ANKRD46: variants seen among roughly 807,000 people sequenced by gnomAD.
ANKRD46 encodes ankyrin repeat domain 46.
Under a neutral mutation model 19.8 loss-of-function variants are expected in ANKRD46, and 13 were observed. The ratio of observed to expected loss-of-function variants is 0.66; its 90% CI spans 0.43 to 1.04. ANKRD46 has a LOEUF of 1.04. Ranked by LOEUF, ANKRD46 falls within the 50% of genes least tolerant of loss-of-function variation. The pLI is 0.00. For synonymous variants in ANKRD46, 91 were observed against 106.9 expected, an observed-to-expected ratio of 0.85 and a Z score of 0.92; for missense variants, 185 against 274.8, an observed-to-expected ratio of 0.67 and a Z score of 2.31.
intron 1 of ANKRD46, among the ~76,000 whole-genome samples, chr8:100,539,719 T>A (rs530014043): frequency 4.6e-5 from 7 of 152,334 alleles, no homozygotes; most frequent in Non-Finnish European, 1.0e-4. Flanking sequence ...AAAATGAGGT[T>A]AATTTGAAGT....
rs147211532 is a variant in ANKRD46, at chr8:100,548,054, T to G, written c.-131+11657A>C. Among the ~76,000 whole-genome samples the G allele has an allele frequency of 2.0e-3, 310 of 152,172 alleles. 1 individual carries two copies. Among genetic ancestry groups the G allele is most frequent in the African/African-American group, 6.8e-3 (281 of 41,506 alleles). ...CTCCCATGGCCCAAGCATGGCCTTC[T>G]ACCTTAGCTAATCTCCATTTCCACT... On this transcript the variant is annotated intron_variant, in intron 1 of 4. Coordinates refer to ENST00000335659, the MANE Select transcript of ANKRD46 (RefSeq NM_001270377.2).
At chr8:100,517,606 A>G (rs540811021), downstream of ANKRD46, among the ~76,000 whole-genome samples, 2 of 152,304 alleles carry the variant, frequency 1.3e-5, no homozygotes, top group East Asian at 3.9e-4. Context: ...TTGTGCTGTG[A>G]AAAGTCAAGA....
downstream of ANKRD46, among the ~76,000 whole-genome samples, chr8:100,520,120 GT>G (rs1293951223): frequency 6.6e-6 from 1 of 152,162 alleles, no homozygotes; most frequent in East Asian, 1.9e-4. Flanking sequence ...GAAAGGAGGG[GT>G]TGGGAAGGAG....
downstream of ANKRD46, among the ~76,000 whole-genome samples, chr8:100,517,043 G>A (rs1169967328): frequency 5.9e-5 from 9 of 152,184 alleles, no homozygotes; most frequent in Admixed American, 5.9e-4. Flanking sequence ...TGCCTCAAAT[G>A]CCTTAGTTTC....
chr8:100,538,305 G>A (rs1812105015), intron 1 of ANKRD46, among the ~76,000 whole-genome samples: 1 of 152,008 alleles, frequency 6.6e-6, no homozygotes, highest in Non-Finnish European at 1.5e-5. Context: ...AACCAACCAT[G>A]AATCAAAAAT....
Position 100,529,618 on chromosome 8 carries a change from C to T in ANKRD46, c.216G>A (p.Leu72=). 6.2e-7 allele frequency: 1 copy of T among 1,614,200 alleles called. No homozygotes were observed. Among genetic ancestry groups the T allele is most frequent in the Non-Finnish European group, 8.5e-7 (1 of 1,180,042 alleles). ...QLLHKFGADL[L]ATDYQGNTAL... is the part of the protein sequence containing the mutation. ...CTGTGTTTCCTTGATAATCTGTGGC[C>T]AGAAGATCGGCACCGAATTTATGCA... is the stretch of plus-strand genomic sequence containing the variant. Residue 72 remains leucine (L), a synonymous_variant, in exon 3 of 5, where the codon CTG becomes CTA. Coordinates refer to ENST00000335659, the MANE Select transcript of ANKRD46 (RefSeq NM_001270377.2). The surrounding 1 kb of genome is among the most constrained non-coding windows in gnomAD (Gnocchi z 5.8).
intron 4 of ANKRD46, among the ~76,000 whole-genome samples, chr8:100,523,045 T>C (rs937716415): frequency 6.6e-5 from 10 of 152,124 alleles, no homozygotes; most frequent in African/African-American, 1.9e-4. Context: ...TAAAAGGTCC[T>C]GGCTGGGCGT....
intron 5 of ANKRD46, among the ~76,000 whole-genome samples, chr8:100,513,440 A>C (rs1811580722): frequency 6.6e-6 from 1 of 152,210 alleles, no homozygotes; most frequent in Admixed American, 6.5e-5. Flanking sequence ...ATTTGTATTA[A>C]TCGTGATAGG....
At chr8:100,531,643 AT>A (rs562066821) in intron 2 of ANKRD46, among the ~76,000 whole-genome samples, 6 of 151,772 alleles carry the variant, frequency 4.0e-5, no homozygotes, top group African/African-American at 1.5e-4. Flanking sequence ...CCACTGAAGG[AT>A]TTTTTTTGTT....
chr8:100,513,589 C>A (rs1222478907), intron 5 of ANKRD46, among the ~76,000 whole-genome samples: 1 of 152,192 alleles, frequency 6.6e-6, no homozygotes, highest in Non-Finnish European at 1.5e-5. Context: ...CCTCCACTGT[C>A]TGATCCAAAA....
rs36068309 is a variant in ANKRD46, at chr8:100,524,503, CT to C, written c.471-1733del. ...TGGGCCAGTCTGCTTAACACCCAAACTTTTTTTTTTTTAATAATTAAAACAT... is the reference window on the plus strand; with the variant it reads ...TGGGCCAGTCTGCTTAACACCCAAACTTTTTTTTTTTAATAATTAAAACAT... On this transcript the variant is annotated intron_variant, in intron 4 of 4. Transcript: ENST00000335659. The surrounding 1 kb of genome is among the most constrained non-coding windows in gnomAD (Gnocchi z 4.3). Among the ~76,000 whole-genome samples, 10 of 148,514 alleles carry C rather than the reference CT, an allele frequency of 6.7e-5. No individual in the cohort carries two copies. Among genetic ancestry groups the C allele is most frequent in the Non-Finnish European group, 8.9e-5 (6 of 67,040 alleles).
chr8:100,521,882 A>G lies in ANKRD46; in HGVS notation c.*673T>C, dbSNP rs1811730709. 1 of 984,922 alleles carries G rather than the reference A, an allele frequency of 1.0e-6. No individual in the cohort carries two copies. The allele number at this position is 984,922 out of a possible 1,614,324, so 61.0% of individuals were successfully genotyped here. ...ATGAACTCATTTATTTTTCACAGAT[A>G]TTAACAAGCAAAGCAGTTTACAAAA... On this transcript the variant is annotated 3_prime_UTR_variant, in exon 5 of 5. Coordinates refer to ENST00000335659, the MANE Select transcript of ANKRD46 (RefSeq NM_001270377.2).
Position 100,550,705 on chromosome 8 carries a change from G to A in ANKRD46, c.-131+9006C>T. 1 of 334,688 alleles carries A rather than the reference G, an allele frequency of 3.0e-6. No homozygotes were observed. Among genetic ancestry groups the A allele is most frequent in the South Asian group, 2.6e-5 (1 of 38,774 alleles). The allele number at this position is 334,688 out of a possible 1,614,324, so 20.7% of individuals were successfully genotyped here. On this transcript the variant is annotated intron_variant, in intron 1 of 4. Transcript: ENST00000335659. The surrounding 1 kb of genome is among the most constrained non-coding windows in gnomAD (Gnocchi z 4.4). ...TTTCTTCCTCTTGTGCTCTCACTGG[G>A]GCTGGTTGTCGAGCAGTCTTACTCC...
rs957639713 is a variant in ANKRD46, at chr8:100,537,905, A to G, written c.-130-4594T>C. On this transcript the variant is annotated intron_variant, in intron 1 of 4. Coordinates refer to ENST00000335659, the MANE Select transcript of ANKRD46 (RefSeq NM_001270377.2). The surrounding 1 kb of genome is among the most constrained non-coding windows in gnomAD (Gnocchi z 4.2). ...CAGGGTGGGGCTTCATATTTAGCTT[A>G]TATATTTCCAATATGCCCTGCAGCT... is the stretch of plus-strand genomic sequence containing the variant. Among the ~76,000 whole-genome samples, 5 of 152,136 alleles carry G rather than the reference A, an allele frequency of 3.3e-5. No homozygotes were observed. Among genetic ancestry groups the G allele is most frequent in the African/African-American group, 1.2e-4 (5 of 41,446 alleles).
At position 100,522,421 on chromosome 8, in the gene ANKRD46, T is replaced by A. The variant is rs72679750; in HGVS notation, c.*134A>T. 351,634 of 1,448,380 alleles carry A rather than the reference T, an allele frequency of 0.24. 43,856 individuals are homozygous for A. Among genetic ancestry groups the A allele is most frequent in the Middle Eastern group, 0.28 (1,167 of 4,172 alleles). 89.7% of individuals were successfully genotyped at this position (1,448,380 alleles called of 1,614,324 possible). ...TGAACACATCATTATCTAAAAGGAT[T>A]ACAATAATTAAAAATGCAAAAAGAA... On this transcript the variant is annotated 3_prime_UTR_variant, in exon 5 of 5. Coordinates refer to ENST00000335659, the MANE Select transcript of ANKRD46 (RefSeq NM_001270377.2).
chr8:100,555,379 A>G (rs185576674), intron 1 of ANKRD46, among the ~76,000 whole-genome samples: 3 of 152,044 alleles, frequency 2.0e-5, no homozygotes, highest in East Asian at 3.9e-4. Flanking sequence ...TACTTACAAT[A>G]AGAAAATGAA....
chr8:100,523,605 C>T (rs1305722821), intron 4 of ANKRD46, among the ~76,000 whole-genome samples: 3 of 152,130 alleles, frequency 2.0e-5, no homozygotes, highest in African/African-American at 7.2e-5. Context: ...AAGGTTACTC[C>T]TCAGCCTGTT....
intron 1 of ANKRD46, among the ~76,000 whole-genome samples, chr8:100,538,867 A>G (rs571156937): frequency 8.3e-4 from 126 of 152,316 alleles, no homozygotes; most frequent in African/African-American, 3.0e-3. Flanking sequence ...GATGCTGTTA[A>G]AAGAAACTGG....
intron 5 of ANKRD46, among the ~76,000 whole-genome samples, chr8:100,515,171 C>T (rs1330315058): frequency 6.6e-6 from 1 of 152,158 alleles, no homozygotes; most frequent in African/African-American, 2.4e-5. Context: ...AATGTTCCTG[C>T]AACCATTGAT....
Sources: gnomAD v4.1 joint callset for allele counts (sites outside exome capture counted in the v4.1 genomes callset) on GRCh38, gnomAD v4.1.1 for gene constraint, Gnocchi (gnomAD v3.1) non-coding constraint, MANE v1.5 for transcripts, NCBI Gene and HGNC (gene_info 2026-07-23, HGNC 2026-07-21) for gene names.